The following PHC1 variants were observed in gnomAD, a reference collection of about 807,000 sequenced individuals.
PHC1 encodes polyhomeotic-like protein 1.
Under a neutral mutation model 104.3 loss-of-function variants are expected in PHC1, and 12 were observed. The ratio of observed to expected loss-of-function variants is 0.12; its 90% CI spans 0.07 to 0.19. The LOEUF (loss-of-function observed/expected upper bound fraction) is 0.19, where lower values mean the gene tolerates loss of function less well. Ranked by LOEUF, PHC1 falls within the 10% of genes least tolerant of loss-of-function variation. The pLI, the probability that PHC1 is intolerant of heterozygous loss-of-function variation, is 1.00. For synonymous variants in PHC1, 302 were observed against 455.8 expected (o/e 0.66, Z 4.30); for missense variants, 671 against 1,200.0 (o/e 0.56, Z 6.51).
In PHC1 at chr12:8,919,848, C is replaced by G. The variant is rs765891249; in HGVS notation, c.207C>G (p.Ser69Arg). The G allele has an allele frequency of 1.2e-6, 2 of 1,600,766 alleles. No homozygotes were observed. Among genetic ancestry groups the G allele is most frequent in the East Asian group, 4.5e-5 (2 of 44,744 alleles). Residue 69 changes from serine (S) to arginine (R), a missense_variant, in exon 3 of 15, where the codon AGC (serine) becomes AGG (arginine). Transcript: ENST00000544916. The surrounding 1 kb of genome is among the most constrained non-coding windows in gnomAD (Gnocchi z 4.9). ...AGCTCAGTAATGCCCAGCTGCATAG[C>G]CTGGCTGCCGTCCAGCAGGTGAGAG... ...QQQLSNAQLH[S>R]LAAVQQATIA...
chr12:8,935,412 G>A (rs1236519765), intron 11 of PHC1, among the ~76,000 whole-genome samples, 174 bp downstream of exon 11: 1 of 152,178 alleles, frequency 6.6e-6, no homozygotes, highest in East Asian at 1.9e-4. Context: ...TATCACCTGA[G>A]GTCAGGAGTT....
chr12:8,930,008 C>T (rs1444961508), intron 6 of PHC1, among the ~76,000 whole-genome samples: 1 of 152,148 alleles, frequency 6.6e-6, no homozygotes, highest in Non-Finnish European at 1.5e-5. Context: ...CATATCTATA[C>T]ATCTTATTAT....
intron 1 of PHC1, among the ~76,000 whole-genome samples, chr12:8,916,297 A>G (rs1417943448): frequency 8.5e-5 from 13 of 152,182 alleles, no homozygotes; most frequent in Admixed American, 8.5e-4. Context: ...GCCAAGGCCA[A>G]GCAGTTTGAT....
rs2137146623 is a variant in PHC1, at chr12:8,939,605, T to C, written c.*146T>C. 1 of 567,368 alleles carries C rather than the reference T, an allele frequency of 1.8e-6. No individual in the cohort carries two copies. Among genetic ancestry groups the C allele is most frequent in the Middle Eastern group, 4.9e-4 (1 of 2,060 alleles). 35.1% of individuals were successfully genotyped at this position (567,368 alleles called of 1,614,324 possible). On this transcript the variant is annotated 3_prime_UTR_variant, in exon 15 of 15. Transcript: ENST00000544916. ...GGATTACTGAGACAGGGAAGAGAAG[T>C]GCAAGAATTGGTTGCTGGTGCTACA...
At chr12:8,925,980 GGATAACTTA>G (rs893539324) in intron 6 of PHC1, among the ~76,000 whole-genome samples, 2 of 152,156 alleles carry the variant, frequency 1.3e-5, no homozygotes, top group Non-Finnish European at 2.9e-5. Context: ...ATAGATTTGA[GGATAACTTA>G]GAAGAATCAT....
chr12:8,938,143 G>A, intron 14 of PHC1, 83 bp downstream of exon 14: 2 of 909,662 alleles, frequency 2.2e-6, no homozygotes, highest in Non-Finnish European at 1.8e-6. Context: ...GAAAGTAATT[G>A]ACTTTTAAGC....
chr12:8,935,700 C>T (rs369810989), intron 11 of PHC1, among the ~76,000 whole-genome samples: 6 of 151,940 alleles, frequency 3.9e-5, no homozygotes, highest in Non-Finnish European at 7.4e-5. Context: ...TGTAGAATCA[C>T]GGAAAAGGAA....
At chr12:8,929,528 T>C (rs1222779622) in intron 6 of PHC1, among the ~76,000 whole-genome samples, 2 of 151,816 alleles carry the variant, frequency 1.3e-5, no homozygotes, top group Non-Finnish European at 2.9e-5. Context: ...TTTAAAATAA[T>C]GTCTTTTTTT....
chr12:8,927,854 TTTC>T (rs1945561347), intron 6 of PHC1, among the ~76,000 whole-genome samples: 5 of 25,656 alleles, frequency 1.9e-4, no homozygotes, highest in Non-Finnish European at 3.9e-4. Context: ...CTGTACTAGT[TTTC>T]TTTCTTTCTT....
intron 13 of PHC1, 152 bp downstream of exon 13, chr12:8,937,478 C>T (rs1360063517): frequency 1.4e-6 from 1 of 727,176 alleles, no homozygotes; most frequent in Non-Finnish European, 2.2e-6. Flanking sequence ...GATCCTGACC[C>T]CCTTTGTCTC....
At position 8,934,289 on chromosome 12, in the gene PHC1, T is replaced by C. The variant is rs762893006; in HGVS notation, c.2064T>C (p.Asn688=). Residue 688 remains asparagine, a synonymous_variant, in exon 10 of 15, where the codon AAT becomes AAC. Coordinates refer to ENST00000544916, the MANE Select transcript of PHC1 (RefSeq NM_004426.3). ...CAGAAAAAGCTGAATCAGTGGCTAA[T>C]GTGAATGCTAATACTCCAAGCAGTG... ...SLGEKAESVA[N]VNANTPSSEL... 3.7e-5 allele frequency: 59 copies of C among 1,613,968 alleles called. No homozygotes were observed. The South Asian group carries it at 4.8e-4, about 13-fold the overall frequency.
Position 8,931,075 on chromosome 12 carries a change from G to A in PHC1, c.1105+148G>A. On this transcript the variant is annotated intron_variant, in intron 7 of 14. Transcript: ENST00000544916. ...AGTGGAAGGAATGGGAATAATATCA[G>A]CCTTGAACATATTAGTTCAGGGTCA... 3.7e-6 allele frequency: 3 copies of A among 815,102 alleles called. No individual in the cohort carries two copies. In the Middle Eastern group the frequency reaches 1.0e-3, roughly 279 times the overall value. 50.5% of individuals were successfully genotyped at this position (815,102 alleles called of 1,614,324 possible).
At chr12:8,920,006 G>A in intron 3 of PHC1, 140 bp downstream of exon 3, 1 of 1,313,540 alleles carries the variant, frequency 7.6e-7, no homozygotes, top group East Asian at 2.5e-5. Context: ...TTCTGTGGGA[G>A]GATGGATGCA....
Position 8,937,255 on chromosome 12 carries a change from G to C in PHC1, c.2557G>C (p.Val853Leu). 1.2e-6 allele frequency: 2 copies of C among 1,612,840 alleles called. No individual in the cohort carries two copies. The highest frequency in any genetic ancestry group is 1.7e-6 in the Non-Finnish European group (2 of 1,179,350). The change falls in exon 13 of 15, where the codon GTT becomes CTT. Residue 853 changes from valine to leucine, a missense_variant. By Grantham distance (32) the Val-to-Leu change is conservative. Transcript: ENST00000544916. Reference protein sequence around the residue: ...KEFQEANYARVRRRGPRRSSS... With the variant: ...KEFQEANYARLRRRGPRRSSS... ...GTTTCAAGAAGCCAACTATGCTCGC[G>C]TTCGCAGGCGTGGACCCCGCCGCAG...
rs773591591 is a variant in PHC1 at position 8,933,868 on chromosome 12, A to G, written c.1897A>G (p.Lys633Glu). 2 of 1,612,724 alleles carry G rather than the reference A, an allele frequency of 1.2e-6. No homozygotes were observed. The highest frequency in any genetic ancestry group is 1.7e-6 in the Non-Finnish European group (2 of 1,178,638). The change falls in exon 9 of 15, where the codon AAA becomes GAA. Residue 633 changes from lysine (K) to glutamate (E), a missense_variant. By Grantham distance (56) the Lys-to-Glu change is moderately conservative. This residue lies in a region of PHC1 where 95 missense variants were observed against 108.8 expected (regional missense o/e 0.87). Coordinates refer to ENST00000544916, the MANE Select transcript of PHC1 (RefSeq NM_004426.3). The part of the protein sequence containing the change: ...FYMQSVHLPG[K>E]PQTLAVKRKA... ...TTTCCTATTCTTTACGGTATAGGGT[A>G]AACCCCAGACATTGGCTGTCAAACG...
intron 3 of PHC1, among the ~76,000 whole-genome samples, chr12:8,920,522 A>G (rs1421122529): frequency 6.6e-6 from 1 of 152,138 alleles, no homozygotes; most frequent in Non-Finnish European, 1.5e-5. Context: ...AGCCTGGCCT[A>G]TATGGTGAAA....
At chr12:8,935,485 G>A (rs1945808827) in intron 11 of PHC1, among the ~76,000 whole-genome samples, 1 of 152,018 alleles carries the variant, frequency 6.6e-6, no homozygotes, top group Admixed American at 6.5e-5. Flanking sequence ...AATTAGCCTG[G>A]TGTGGCAGCA....
chr12:8,920,873 C>A, intron 3 of PHC1, 112 bp from the exon 4 acceptor site: 2 of 687,320 alleles, frequency 2.9e-6, no homozygotes, highest in Middle Eastern at 2.5e-4. Flanking sequence ...TGGAATCTCC[C>A]TGTTTATAAT....
rs1331614738 is a variant in PHC1, at chr12:8,935,057, T to C, written c.2254-67T>C. ...CAGAGACATAATTGATGGGGAAATG[T>C]TGGGGAAAGCTATAGAGAAGCAGAA... On this transcript the variant is annotated intron_variant, in intron 10 of 14. Transcript: ENST00000544916. 7 of 758,400 alleles carry C rather than the reference T, an allele frequency of 9.2e-6. No individual in the cohort carries two copies. The East Asian group carries it at 2.0e-4, about 21-fold the overall frequency. The allele number at this position is 758,400 out of a possible 1,614,324, so 47.0% of individuals were successfully genotyped here.
Sources: gnomAD v4.1 joint callset for allele counts (sites outside exome capture counted in the v4.1 genomes callset) on GRCh38, gnomAD v4.1.1 for gene constraint, gnomAD v4.1.1 regional missense constraint, Gnocchi (gnomAD v3.1) non-coding constraint, MANE v1.5 for transcripts, NCBI Gene and HGNC (gene_info 2026-07-23, HGNC 2026-07-21) for gene names.